XKR9: variants seen among roughly 807,000 people sequenced by gnomAD.
The protein encoded by XKR9 is XK-related protein 9.
XKR9 carries 32 observed loss-of-function variants against 32.0 expected under a neutral mutation model. The ratio of observed to expected loss-of-function variants is 1.00; its 90% CI spans 0.76 to 1.34. The LOEUF is 1.34. XKR9 is among the 40% of genes most tolerant of loss of function. The pLI, the probability that XKR9 is intolerant of heterozygous loss-of-function variation, is 0.00. For missense variants in XKR9, 546 were observed against 429.7 expected, an observed-to-expected ratio of 1.27 and a Z score of -2.39; for synonymous variants, 168 against 143.4, an observed-to-expected ratio of 1.17 and a Z score of -1.22.
At chr8:71,056,734 A>G in the XKR9 span, among the ~76,000 whole-genome samples, 1 of 152,228 alleles carries the variant, frequency 6.6e-6, no homozygotes. Flanking sequence ...TGCTATCATT[A>G]TTGTTGAATA....
At chr8:70,768,472 C>G (rs888674667) in intron 2 of XKR9, among the ~76,000 whole-genome samples, 4 of 152,050 alleles carry the variant, frequency 2.6e-5, no homozygotes, top group Non-Finnish European at 5.9e-5. Flanking sequence ...GCCTGAATAT[C>G]CTTGTTAATT....
At chr8:70,850,960 G>A in the XKR9 span, among the ~76,000 whole-genome samples, 48,459 of 151,988 alleles carry the variant, frequency 0.32, 9,077 homozygotes, top group Non-Finnish European at 0.43. Flanking sequence ...AGAAATAAAG[G>A]GTATTCAAAT....
At chr8:71,025,017 A>AT in the XKR9 span, among the ~76,000 whole-genome samples, 2 of 152,314 alleles carry the variant, frequency 1.3e-5, no homozygotes, top group African/African-American at 4.8e-5. Flanking sequence ...TTGTTCTAAG[A>AT]TTTTTATATG....
At chr8:70,831,164 G>A in the XKR9 span, among the ~76,000 whole-genome samples, 3 of 151,846 alleles carry the variant, frequency 2.0e-5, no homozygotes, top group African/African-American at 4.8e-5. Flanking sequence ...GGTGGTGGTC[G>A]CCTGTAATCC....
the XKR9 span, among the ~76,000 whole-genome samples, chr8:71,034,589 A>G: frequency 6.6e-6 from 1 of 152,122 alleles, no homozygotes; most frequent in African/African-American, 2.4e-5. Context: ...TGCTGGGAGG[A>G]TGGTAAGTTA....
At chr8:70,776,895 C>T (rs1413835258) in intron 2 of XKR9, among the ~76,000 whole-genome samples, 8 of 146,100 alleles carry the variant, frequency 5.5e-5, no homozygotes, top group Non-Finnish European at 1.1e-4. Context: ...CAACACAGTA[C>T]CTTGCATTTA....
chr8:70,749,126 G>T (rs191567143), intron 2 of XKR9, among the ~76,000 whole-genome samples: 1 of 152,204 alleles, frequency 6.6e-6, no homozygotes, highest in South Asian at 2.1e-4. Flanking sequence ...CCCACTTCAG[G>T]TCTCCTGAGA....
the XKR9 span, among the ~76,000 whole-genome samples, chr8:70,861,753 C>T: frequency 6.6e-6 from 1 of 152,158 alleles, no homozygotes; most frequent in Non-Finnish European, 1.5e-5. Context: ...TTCGTAAGCA[C>T]TGTATACATA....
chr8:70,839,484 A>G, the XKR9 span, among the ~76,000 whole-genome samples: 1 of 152,178 alleles, frequency 6.6e-6, no homozygotes, highest in Admixed American at 6.6e-5. Context: ...TTTCTCAAAC[A>G]TAGCCGCCAA....
the XKR9 span, among the ~76,000 whole-genome samples, chr8:71,028,908 A>AAGAGAGAGAGAGAGAGAGAG: frequency 9.9e-5 from 15 of 150,866 alleles, no homozygotes; most frequent in Non-Finnish European, 1.6e-4. Flanking sequence ...GACACACAGA[A>AAGAGAGAGAGAGAGAGAGAG]AGAGAGAGAG....
At chr8:70,868,118 T>C in the XKR9 span, among the ~76,000 whole-genome samples, 2 of 152,154 alleles carry the variant, frequency 1.3e-5, no homozygotes, top group African/African-American at 4.8e-5. Context: ...GTATAGCTTC[T>C]CTCCTGGCTG....
At chr8:70,747,143 T>C (rs532871824) in intron 2 of XKR9, among the ~76,000 whole-genome samples, 3 of 152,346 alleles carry the variant, frequency 2.0e-5, no homozygotes, top group Admixed American at 2.0e-4. Context: ...CCACATTTTC[T>C]TTATTCAGTC....
chr8:70,839,901 T>C, the XKR9 span, among the ~76,000 whole-genome samples: 1 of 152,168 alleles, frequency 6.6e-6, no homozygotes, highest in Admixed American at 6.6e-5. Context: ...TGAAGTCACA[T>C]GCCATTTCAG....
chr8:70,962,819 C>T, the XKR9 span, among the ~76,000 whole-genome samples: 2 of 152,308 alleles, frequency 1.3e-5, no homozygotes, highest in East Asian at 3.9e-4. Flanking sequence ...TTCTTGTCTT[C>T]TCTTTCTGTA....
At chr8:70,867,588 A>C in the XKR9 span, among the ~76,000 whole-genome samples, 2 of 152,142 alleles carry the variant, frequency 1.3e-5, no homozygotes, top group Non-Finnish European at 2.9e-5. Flanking sequence ...AGTAGCTGGG[A>C]TTACAGGCTT....
At chr8:70,696,991 T>C (rs1297604555) in intron 3 of XKR9, among the ~76,000 whole-genome samples, 6 of 151,728 alleles carry the variant, frequency 4.0e-5, no homozygotes, top group Non-Finnish European at 8.8e-5. Flanking sequence ...GTTTGTCTGT[T>C]ATTGGTGTAT....
chr8:70,829,641 G>C, the XKR9 span, among the ~76,000 whole-genome samples: 1 of 152,060 alleles, frequency 6.6e-6, no homozygotes, highest in Non-Finnish European at 1.5e-5. Context: ...GTAGAGACGG[G>C]GTTTCACTGT....
At chr8:70,745,783 C>G (rs1305813227) in intron 2 of XKR9, among the ~76,000 whole-genome samples, 3 of 152,172 alleles carry the variant, frequency 2.0e-5, no homozygotes, top group African/African-American at 7.2e-5. Context: ...TGCTACAAGC[C>G]AGGAGAACAC....
At chr8:70,998,796 C>T in the XKR9 span, among the ~76,000 whole-genome samples, 3 of 152,206 alleles carry the variant, frequency 2.0e-5, no homozygotes, top group African/African-American at 7.2e-5. Flanking sequence ...GACAGCTCCT[C>T]ACTGGGCATT....
Sources: allele counts gnomAD v4.1 joint callset (sites outside exome capture counted in the v4.1 genomes callset), GRCh38; gene constraint gnomAD v4.1.1; transcripts MANE v1.5; gene names NCBI Gene and HGNC (gene_info 2026-07-23, HGNC 2026-07-21).